The following GREM2 variants were observed in gnomAD, a reference collection of about 807,000 sequenced individuals.
GREM2 encodes the protein gremlin 2, DAN family BMP antagonist.
Under a neutral mutation model 14.2 loss-of-function variants are expected in GREM2, and 11 were observed. The ratio of observed to expected loss-of-function variants is 0.78; its 90% CI spans 0.49 to 1.28. The LOEUF is 1.28. GREM2 is among the 50% of genes most tolerant of loss of function. The pLI, the probability that GREM2 is intolerant of heterozygous loss-of-function variation, is 0.00. For missense variants in GREM2, 210 were observed against 218.5 expected (o/e 0.96, Z 0.24); for synonymous variants, 98 against 97.6 (o/e 1.00, Z -0.02).
intron 1 of GREM2, among the ~76,000 whole-genome samples, chr1:240,512,550 AT>A (rs1677857856): frequency 2.8e-5 from 1 of 36,302 alleles, no homozygotes; most frequent in Non-Finnish European, 4.7e-5. Flanking sequence ...AGAGGACTTT[AT>A]TGAAAATAAT....
intron 1 of GREM2, among the ~76,000 whole-genome samples, chr1:240,591,736 GT>G (rs1679720257): frequency 1.3e-5 from 2 of 152,188 alleles, no homozygotes; most frequent in African/African-American, 4.8e-5. Flanking sequence ...AAGTGAGGGA[GT>G]TTTTTGAAGT....
intron 1 of GREM2, among the ~76,000 whole-genome samples, chr1:240,503,634 ATG>A (rs1473797227): frequency 6.6e-6 from 1 of 152,104 alleles, no homozygotes; most frequent in Non-Finnish European, 1.5e-5. Flanking sequence ...GCACAAAACT[ATG>A]TGTTCTATCT....
chr1:240,587,487 AATTTTTGTAT>A, intron 1 of GREM2, among the ~76,000 whole-genome samples: 1 of 151,456 alleles, frequency 6.6e-6, no homozygotes, highest in Non-Finnish European at 1.5e-5. Context: ...GTGACTGGCT[AATTTTTGTAT>A]TTTTAGTAGA....
At chr1:240,592,855 C>T (rs1015381629) in intron 1 of GREM2, among the ~76,000 whole-genome samples, 9 of 151,942 alleles carry the variant, frequency 5.9e-5, no homozygotes, top group South Asian at 2.1e-4. Context: ...TAATCTTGGC[C>T]GGGCACGGTG....
intron 1 of GREM2, among the ~76,000 whole-genome samples, chr1:240,575,197 C>T (rs1679338084): frequency 6.6e-6 from 1 of 151,994 alleles, no homozygotes; most frequent in East Asian, 1.9e-4. Flanking sequence ...CTTGATGTGC[C>T]TCCTTTTTTG....
At chr1:240,606,677 C>A (rs200324253) in intron 1 of GREM2, among the ~76,000 whole-genome samples, 4 of 131,356 alleles carry the variant, frequency 3.0e-5, no homozygotes, top group African/African-American at 8.5e-5. Flanking sequence ...TGAAACAGTT[C>A]TTTTTTTTTT....
chr1:240,495,691 C>G (rs1450004411), intron 1 of GREM2, among the ~76,000 whole-genome samples: 3 of 152,150 alleles, frequency 2.0e-5, no homozygotes, highest in Non-Finnish European at 4.4e-5. Flanking sequence ...CATCCCGGCT[C>G]CAGAATCTGA....
rs3748539 is a variant in GREM2, at chr1:240,530,600, A to C, written c.-1-37124T>G. On this transcript the variant is annotated intron_variant, in intron 1 of 1. Transcript: ENST00000318160. ...AATATACAATTCAAAGGAATTACAT[A>C]GAGTTATAAATAATAGTTATCATCA... The C allele has an allele frequency of 6.6e-5, 10 of 152,352 alleles. 1 individual carries two copies. In the East Asian group the frequency reaches 1.9e-3, roughly 29 times the overall value. 9.4% of individuals were successfully genotyped at this position (152,352 alleles called of 1,614,324 possible).
chr1:240,568,196 G>A (rs1679201254), intron 1 of GREM2, among the ~76,000 whole-genome samples: 1 of 152,128 alleles, frequency 6.6e-6, no homozygotes, highest in African/African-American at 2.4e-5. Context: ...AATGCCAGAA[G>A]GGATGAAATG....
chr1:240,562,244 A>G (rs557906280), intron 1 of GREM2, among the ~76,000 whole-genome samples: 1 of 152,308 alleles, frequency 6.6e-6, no homozygotes, highest in South Asian at 2.1e-4. Flanking sequence ...GAAATGGTCA[A>G]TATAAACAGA....
At chr1:240,601,580 A>T (rs1679924699) in intron 1 of GREM2, among the ~76,000 whole-genome samples, 1 of 152,158 alleles carries the variant, frequency 6.6e-6, no homozygotes, top group African/African-American at 2.4e-5. Flanking sequence ...AACAGCATTT[A>T]CCTCAAAAAG....
At chr1:240,534,959 G>C (rs1029822539) in intron 1 of GREM2, among the ~76,000 whole-genome samples, 3 of 152,222 alleles carry the variant, frequency 2.0e-5, no homozygotes, top group Non-Finnish European at 4.4e-5. Flanking sequence ...TGGGTCTGGA[G>C]AGGAAGGGAG....
intron 1 of GREM2, among the ~76,000 whole-genome samples, chr1:240,517,898 T>G (rs1255909290): frequency 2.0e-5 from 3 of 152,354 alleles, no homozygotes; most frequent in African/African-American, 7.2e-5. Flanking sequence ...GAGAAATTCC[T>G]TGCTTTTTTA....
At chr1:240,603,834 T>TTATATA (rs145566989) in intron 1 of GREM2, among the ~76,000 whole-genome samples, 1 of 149,646 alleles carries the variant, frequency 6.7e-6, no homozygotes, top group African/African-American at 2.5e-5. Context: ...TATATGTATT[T>TTATATA]TATATATATA....
intron 1 of GREM2, among the ~76,000 whole-genome samples, chr1:240,586,003 T>C (rs1679593105): frequency 6.6e-6 from 1 of 150,718 alleles, no homozygotes; most frequent in South Asian, 2.1e-4. Context: ...AGAATCTTAC[T>C]ATATTTAATT....
Position 240,594,431 on chromosome 1 carries a change from G to A in GREM2, c.-2+17453C>T, listed in dbSNP as rs564073016. Among the ~76,000 whole-genome samples the A allele has an allele frequency of 2.0e-4, 30 of 152,196 alleles. No homozygotes were observed. In the South Asian group the frequency reaches 2.7e-3, roughly 14 times the overall value. ...TTCATTCTTTATTTGCTCTTTTCCC[G>A]GAAATAAACCAGGAAAGAATATTGG... On this transcript the variant is annotated intron_variant, in intron 1 of 1. Transcript: ENST00000318160.
At chr1:240,527,094 G>T (rs1238565578) in intron 1 of GREM2, among the ~76,000 whole-genome samples, 1 of 152,206 alleles carries the variant, frequency 6.6e-6, no homozygotes, top group Non-Finnish European at 1.5e-5. Context: ...TCCATTTCCA[G>T]CACAGGGTAC....
intron 1 of GREM2, among the ~76,000 whole-genome samples, chr1:240,562,282 A>G (rs950525078): frequency 5.9e-5 from 9 of 152,280 alleles, no homozygotes; most frequent in East Asian, 5.8e-4. Flanking sequence ...TCCTTTTGTG[A>G]ACTGTATGAC....
At chr1:240,514,965 CAA>C (rs10710781) in intron 1 of GREM2, among the ~76,000 whole-genome samples, 21 of 151,004 alleles carry the variant, frequency 1.4e-4, no homozygotes, top group Non-Finnish European at 2.8e-4. Context: ...CAAACAAACA[CAA>C]AAAAAAAACT....
Sources: gnomAD v4.1 joint callset for allele counts (sites outside exome capture counted in the v4.1 genomes callset) on GRCh38, gnomAD v4.1.1 for gene constraint, MANE v1.5 for transcripts, NCBI Gene and HGNC (gene_info 2026-07-23, HGNC 2026-07-21) for gene names.